The following FARS2 variants were observed in gnomAD, a reference collection of about 807,000 sequenced individuals.
FARS2 encodes phenylalanyl-tRNA synthetase 2, mitochondrial.
In FARS2, 40 loss-of-function variants were observed where a neutral mutation model predicts 46.4. The observed-to-expected ratio is 0.86, with a 90% confidence interval of 0.67 to 1.12. The LOEUF is 1.12. Ranked by LOEUF, FARS2 falls within the 50% of genes most tolerant of loss-of-function variation. The pLI is 0.00. For synonymous variants in FARS2, 234 were observed against 214.9 expected, an observed-to-expected ratio of 1.09 and a Z score of -0.78; for missense variants, 513 against 567.9, an observed-to-expected ratio of 0.90 and a Z score of 0.98.
chr6:5,509,064 G>C (rs1256100051), intron 4 of FARS2, among the ~76,000 whole-genome samples: 4 of 152,204 alleles, frequency 2.6e-5, no homozygotes, highest in Non-Finnish European at 4.4e-5. Context: ...CCATGCATGC[G>C]TGTGGCTGTG....
chr6:5,433,503 CTG>C (rs1331080503), intron 4 of FARS2, among the ~76,000 whole-genome samples: 2 of 152,158 alleles, frequency 1.3e-5, no homozygotes, highest in Non-Finnish European at 2.9e-5. Flanking sequence ...GTAGTCATGT[CTG>C]TGTCTGCCAT....
chr6:5,663,932 C>T (rs1053518191), intron 6 of FARS2, among the ~76,000 whole-genome samples: 5 of 152,182 alleles, frequency 3.3e-5, no homozygotes, highest in Admixed American at 6.5e-5. Context: ...GATGGATGCA[C>T]GCTGGCCAGG....
intron 5 of FARS2, chr6:5,610,238 G>C: frequency 1.9e-6 from 1 of 517,932 alleles, no homozygotes; most frequent in Admixed American, 3.2e-5. Context: ...TGTTTTTTCA[G>C]CAGCATCCAC....
chr6:5,412,411 T>G (rs530914954), intron 3 of FARS2, among the ~76,000 whole-genome samples: 1 of 152,352 alleles, frequency 6.6e-6, no homozygotes, highest in African/African-American at 2.4e-5. Context: ...CTGCCCAGTT[T>G]GCTGCCACTG....
chr6:5,545,193 C>T lies in FARS2; in HGVS notation c.918C>T (p.Asp306=). ...TCCTAATCACAGCTGGTGCTCAAGA[C>T]CGAATCGGCTGGGCTTTTGGCCTAG... is the stretch of plus-strand genomic sequence containing the variant. ...QQLVNSAGAQ[D]RIGWAFGLGL... The change falls in exon 5 of 7, where the codon GAC becomes GAT. Residue 306 remains aspartate, a synonymous_variant. Coordinates refer to ENST00000274680, the MANE Select transcript of FARS2 (RefSeq NM_006567.5). The T allele has an allele frequency of 6.2e-7, 1 of 1,613,790 alleles. No individual in the cohort carries two copies. Among genetic ancestry groups the T allele is most frequent in the Non-Finnish European group, 8.5e-7 (1 of 1,179,790 alleles).
At chr6:5,435,923 G>A (rs369858018) in intron 4 of FARS2, among the ~76,000 whole-genome samples, 2 of 152,152 alleles carry the variant, frequency 1.3e-5, no homozygotes, top group South Asian at 2.1e-4. Context: ...TTATAAATAG[G>A]TACATGAACA....
chr6:5,326,198 A>G (rs1770367009), intron 1 of FARS2, among the ~76,000 whole-genome samples: 1 of 146,860 alleles, frequency 6.8e-6, no homozygotes, highest in Non-Finnish European at 1.5e-5. Flanking sequence ...CTGTGCTGTC[A>G]GTGGAGAGCC....
At chr6:5,672,396 A>C (rs1778521163) in intron 6 of FARS2, among the ~76,000 whole-genome samples, 1 of 152,044 alleles carries the variant, frequency 6.6e-6, no homozygotes, top group African/African-American at 2.4e-5. Context: ...TGTTCCTCCC[A>C]CTGTACCACA....
intron 6 of FARS2, among the ~76,000 whole-genome samples, chr6:5,679,173 G>A (rs1313571425): frequency 1.3e-5 from 2 of 152,124 alleles, no homozygotes; most frequent in Admixed American, 1.3e-4. Flanking sequence ...CCAGAAAACC[G>A]AGGTGACAAA....
chr6:5,586,736 T>C (rs1773632202), intron 5 of FARS2, among the ~76,000 whole-genome samples: 1 of 152,146 alleles, frequency 6.6e-6, no homozygotes, highest in African/African-American at 2.4e-5. Context: ...TTGGAAGTGC[T>C]CCTTCCTCTT....
Position 5,575,684 on chromosome 6 carries a change from A to G in FARS2, c.1065+30344A>G, listed in dbSNP as rs188367534. 3.8e-3 allele frequency among the ~76,000 whole-genome samples: 586 copies of G among 152,288 alleles called. 8 individuals are homozygous for G. The highest frequency in any genetic ancestry group is 1.4e-3 in the Non-Finnish European group (94 of 68,028). On this transcript the variant is annotated intron_variant, in intron 5 of 6. Coordinates refer to ENST00000274680, the MANE Select transcript of FARS2 (RefSeq NM_006567.5). ...AATTTTATACATGTATTTTGTTGTCATAGCTCTTTGGTCTCCTTGAATCTG... is the reference window on the plus strand; with the variant it reads ...AATTTTATACATGTATTTTGTTGTCGTAGCTCTTTGGTCTCCTTGAATCTG...
Position 5,387,116 on chromosome 6 carries a change from G to A in FARS2, c.613-17426G>A, listed in dbSNP as rs886711438. Reference sequence around the variant, plus strand: ...GTTGCAGCATGGTCTGGGGCTGGAGGGAGTTTTGTTGGTTTGTTGGACCGT... The same window carrying A: ...GTTGCAGCATGGTCTGGGGCTGGAGAGAGTTTTGTTGGTTTGTTGGACCGT... On this transcript the variant is annotated intron_variant, in intron 2 of 6. Transcript: ENST00000274680. 2.0e-5 allele frequency among the ~76,000 whole-genome samples: 3 copies of A among 152,150 alleles called. No individual in the cohort carries two copies. In the East Asian group the frequency reaches 5.8e-4, roughly 29 times the overall value.
chr6:5,716,138 A>G (rs902751358), intron 6 of FARS2, among the ~76,000 whole-genome samples: 2 of 152,206 alleles, frequency 1.3e-5, no homozygotes, highest in Non-Finnish European at 2.9e-5. Flanking sequence ...CATTTCATCT[A>G]TAAATACTCA....
intron 5 of FARS2, among the ~76,000 whole-genome samples, chr6:5,605,310 A>G (rs1196442883): frequency 6.7e-6 from 1 of 148,382 alleles, no homozygotes; most frequent in African/African-American, 2.5e-5. Context: ...CCAGAGCATT[A>G]CTCTGCTTGA....
At position 5,635,968 on chromosome 6, in the gene FARS2, A is replaced by G. The variant is rs143488123; in HGVS notation, c.1217+22648A>G. Reference sequence around the variant, plus strand: ...CTATTGGTATTTCAAAAAAAATGTTATGGTAAAAAAAATTTCCAAAACACA... The same window carrying G: ...CTATTGGTATTTCAAAAAAAATGTTGTGGTAAAAAAAATTTCCAAAACACA... On this transcript the variant is annotated intron_variant, in intron 6 of 6. Coordinates refer to ENST00000274680, the MANE Select transcript of FARS2 (RefSeq NM_006567.5). 1.6e-4 allele frequency among the ~76,000 whole-genome samples: 24 copies of G among 152,326 alleles called. No individual in the cohort carries two copies. The East Asian group carries it at 4.6e-3, about 29-fold the overall frequency.
At chr6:5,486,232 A>G (rs188598100) in intron 4 of FARS2, among the ~76,000 whole-genome samples, 80 of 152,222 alleles carry the variant, frequency 5.3e-4, no homozygotes, top group African/African-American at 1.8e-3. Flanking sequence ...TATATTATAT[A>G]TTTTTATATT....
chr6:5,720,712 T>G (rs538184149), intron 6 of FARS2, among the ~76,000 whole-genome samples: 1 of 152,216 alleles, frequency 6.6e-6, no homozygotes, highest in Admixed American at 6.5e-5. Context: ...TTATATCTAC[T>G]GATATTGATC....
At chr6:5,681,831 C>T (rs1435701653) in intron 6 of FARS2, among the ~76,000 whole-genome samples, 6 of 152,176 alleles carry the variant, frequency 3.9e-5, no homozygotes, top group African/African-American at 1.4e-4. Flanking sequence ...GGTGCTTTTC[C>T]TGAGGCTGGT....
At chr6:5,647,983 GTAA>G (rs1447277483) in intron 6 of FARS2, among the ~76,000 whole-genome samples, 2 of 152,152 alleles carry the variant, frequency 1.3e-5, no homozygotes, top group Non-Finnish European at 2.9e-5. Flanking sequence ...TAGAATGGAA[GTAA>G]TAATATTTTC....
Sources: allele counts gnomAD v4.1 joint callset (sites outside exome capture counted in the v4.1 genomes callset), GRCh38; gene constraint gnomAD v4.1.1; transcripts MANE v1.5; gene names NCBI Gene and HGNC (gene_info 2026-07-23, HGNC 2026-07-21).